The following TMPRSS9 variants were observed in gnomAD, a reference collection of about 807,000 sequenced individuals.
TMPRSS9 encodes the protein transmembrane protease serine 9.
In TMPRSS9, 113 loss-of-function variants were observed where a neutral mutation model predicts 111.4. The ratio of observed to expected loss-of-function variants is 1.01; its 90% confidence interval spans 0.87 to 1.19. The LOEUF (loss-of-function observed/expected upper bound fraction) is 1.19. Ranked by LOEUF, TMPRSS9 falls within the 50% of genes most tolerant of loss-of-function variation. The pLI, the probability that TMPRSS9 is intolerant of heterozygous loss-of-function variation, is 0.00. For missense variants in TMPRSS9, 1,803 were observed against 1,513.1 expected (o/e 1.19, Z -3.18); for synonymous variants, 805 against 659.1 (o/e 1.22, Z -3.39).
chr19:2,426,054 TGA>T lies in TMPRSS9; in HGVS notation c.3252_3253del (p.Gly1085LeufsTer13), dbSNP rs1971620637. The T allele has an allele frequency of 2.5e-6, 4 of 1,609,262 alleles. No individual in the cohort carries two copies. Among genetic ancestry groups the T allele is most frequent in the Middle Eastern group, 1.7e-4 (1 of 6,034 alleles). On this transcript the variant is annotated frameshift_variant, in exon 18 of 18. Transcript: ENST00000648592. LOFTEE classifies it high-confidence loss of function. ...GGTGTCTATACCCGGGTGGCAGCTG[TGA>T]GAGGCTGGATAGGACAGCACATCCA...
At chr19:2,397,339 G>A (rs765814775) in intron 2 of TMPRSS9, among the ~76,000 whole-genome samples, 2 of 151,938 alleles carry the variant, frequency 1.3e-5, no homozygotes. Context: ...TGTCCAGGCT[G>A]GAGTGCAGTG....
chr19:2,424,941 C>G (rs1381517311), intron 15 of TMPRSS9, 61 bp from the exon 17 acceptor site: 3 of 1,388,800 alleles, frequency 2.2e-6, no homozygotes, highest in African/African-American at 3.1e-5. Context: ...GGGGACACCA[C>G]AGGGGCGGGG....
Position 2,368,774 on chromosome 19 carries a change from G to GTTTTTTTTTTTTTT in TMPRSS9, c.-26+8428_-26+8441dup, listed in dbSNP as rs762761358. The stretch of plus-strand genomic sequence containing the variant: ...TGCCAGGGCATCAAGGATAAACCCA[G>GTTTTTTTTTTTTTT]TTTTTTTTTTTTTTTTTTTTTTTTT... On this transcript the variant is annotated intron_variant, in intron 1 of 17. Transcript: ENST00000649857. Among the ~76,000 whole-genome samples the GTTTTTTTTTTTTTT allele has an allele frequency of 9.1e-3, 637 of 70,360 alleles. 152 individuals carry two copies. The highest frequency in any genetic ancestry group is 0.024 in the Middle Eastern group (2 of 84). The allele number at this position is 70,360 out of a possible 152,430, so 46.2% of individuals were successfully genotyped here.
At position 2,414,677 on chromosome 19, in the gene TMPRSS9, C is replaced by A. The variant is rs551894496; in HGVS notation, c.1573+659C>A. 1.5e-4 allele frequency among the ~76,000 whole-genome samples: 23 copies of A among 151,650 alleles called. No individual in the cohort carries two copies. The South Asian group carries it at 4.8e-3, about 32-fold the overall frequency. ...ATCGCTTGAGGTCAGGAGTTCAAGA[C>A]CAGCCTGGCCAACATGGCAAAACCC... On this transcript the variant is annotated intron_variant, in intron 10 of 17. Transcript: ENST00000648592.
At chr19:2,413,541 A>G (rs976762797) in intron 9 of TMPRSS9, among the ~76,000 whole-genome samples, 159 bp from the exon 11 acceptor site, 8 of 152,182 alleles carry the variant, frequency 5.3e-5, no homozygotes, top group African/African-American at 1.9e-4. Context: ...AAGAGGAAAC[A>G]GGTTCTGAGA....
At chr19:2,385,600 G>A (rs1355535183), upstream of TMPRSS9, among the ~76,000 whole-genome samples, 2 of 151,824 alleles carry the variant, frequency 1.3e-5, no homozygotes, top group Admixed American at 6.6e-5. Context: ...CGGGTACAGC[G>A]GCTCACATCT....
At chr19:2,373,860 C>G (rs551026845) in intron 1 of TMPRSS9, among the ~76,000 whole-genome samples, 1 of 152,178 alleles carries the variant, frequency 6.6e-6, no homozygotes, top group Non-Finnish European at 1.5e-5. Flanking sequence ...AGGTTTTCAG[C>G]CAACTTTTTG....
chr19:2,422,564 A>C (rs1289026303), intron 14 of TMPRSS9, among the ~76,000 whole-genome samples: 1 of 149,530 alleles, frequency 6.7e-6, no homozygotes, highest in Non-Finnish European at 1.5e-5. Context: ...CAACAAGCGA[A>C]ACTCCGTCTC....
intron 1 of TMPRSS9, among the ~76,000 whole-genome samples, chr19:2,367,730 A>G (rs1970259063): frequency 6.8e-6 from 1 of 147,494 alleles, no homozygotes; most frequent in Non-Finnish European, 1.5e-5. Context: ...TGCCTGGCTA[A>G]TTTTTTGTAT....
At position 2,390,797 on chromosome 19, in the gene TMPRSS9, G is replaced by A. The variant is rs1054864158; in HGVS notation, c.142+870G>A. Among the ~76,000 whole-genome samples the A allele has an allele frequency of 3.3e-5, 5 of 151,682 alleles. No individual in the cohort carries two copies. In the East Asian group the frequency reaches 9.9e-4, roughly 30 times the overall value. ...GAACCTGGGAGGCAGAGGTTGCAGT[G>A]AGCTGAGATCGCACCACTGCACTCC... On this transcript the variant is annotated intron_variant, in intron 1 of 17. Coordinates refer to ENST00000648592, the Ensembl canonical transcript of TMPRSS9.
chr19:2,425,430 A>G, exon 17 of TMPRSS9: 1 of 1,589,880 alleles, frequency 6.3e-7, no homozygotes, highest in Non-Finnish European at 8.5e-7. Flanking sequence ...GCTTCTACCC[A>G]GTGCAGATCA....
chr19:2,414,111 T>A (rs1188499670), intron 10 of TMPRSS9, 93 bp downstream of exon 11: 1 of 1,339,840 alleles, frequency 7.5e-7, no homozygotes, highest in Non-Finnish European at 1.0e-6. Context: ...TAATTTTGGA[T>A]CTTCCTGTTC....
intron 1 of TMPRSS9, among the ~76,000 whole-genome samples, chr19:2,369,421 T>G (rs1259203885): frequency 6.7e-6 from 1 of 149,038 alleles, no homozygotes; most frequent in Admixed American, 6.6e-5. Context: ...ATGATTGTAT[T>G]AGCTTTTGTT....
chr19:2,374,684 G>A (rs1232152518), intron 1 of TMPRSS9, among the ~76,000 whole-genome samples: 1 of 152,142 alleles, frequency 6.6e-6, no homozygotes, highest in Non-Finnish European at 1.5e-5. Context: ...CCCCTAACCA[G>A]GCTTGGAAGA....
chr19:2,368,485 G>A (rs1304040255), intron 1 of TMPRSS9, among the ~76,000 whole-genome samples: 2 of 152,332 alleles, frequency 1.3e-5, no homozygotes, highest in East Asian at 3.9e-4. Flanking sequence ...GGCTGAAGGA[G>A]GGAGGGGTTG....
At chr19:2,382,798 C>T (rs1272508904) in intron 1 of TMPRSS9, among the ~76,000 whole-genome samples, 2 of 152,154 alleles carry the variant, frequency 1.3e-5, no homozygotes, top group Non-Finnish European at 2.9e-5. Context: ...CACCCGCACA[C>T]AGACTCACAC....
chr19:2,372,901 A>G (rs1285652159), intron 1 of TMPRSS9, among the ~76,000 whole-genome samples: 1 of 152,138 alleles, frequency 6.6e-6, no homozygotes, highest in African/African-American at 2.4e-5. Flanking sequence ...GCACAATCAT[A>G]GTTCACTTCA....
intron 1 of TMPRSS9, among the ~76,000 whole-genome samples, chr19:2,381,804 CATT>C: frequency 6.6e-6 from 1 of 151,766 alleles, no homozygotes; most frequent in East Asian, 1.9e-4. Context: ...CCCTCGGAGA[CATT>C]AGAATTTCAG....
rs558095709 is a variant in TMPRSS9 at position 2,416,668 on chromosome 19, G to A, written c.1876G>A (p.Asp626Asn). The A allele has an allele frequency of 3.7e-6, 6 of 1,613,104 alleles. No homozygotes were observed. Among genetic ancestry groups the A allele is most frequent in the South Asian group, 1.1e-5 (1 of 91,086 alleles). ...CTACAACCCTGGCATCCTGGACTTC[G>A]ACCTGGCTGTCCTGGAGCTGGCCAG... Residue 626 changes from aspartate (D) to asparagine (N), a missense_variant, in exon 12 of 18, where the codon GAC becomes AAC. By Grantham distance (23) the Asp-to-Asn change is conservative. Coordinates refer to ENST00000648592, the Ensembl canonical transcript of TMPRSS9.
Sources: gnomAD v4.1 joint callset for allele counts (sites outside exome capture counted in the v4.1 genomes callset) on GRCh38, gnomAD v4.1.1 for gene constraint, MANE v1.5 for transcripts, NCBI Gene and HGNC (gene_info 2026-07-23, HGNC 2026-07-21) for gene names.